The following NCAPG2 variants were observed in gnomAD, a reference collection of about 807,000 sequenced individuals.
NCAPG2 encodes the protein condensin-2 complex subunit G2.
In NCAPG2, 53 loss-of-function variants were observed where a neutral mutation model predicts 141.1. That is an observed-to-expected ratio of 0.38 (90% CI 0.30 to 0.47). The LOEUF (loss-of-function observed/expected upper bound fraction) is 0.47, where lower values mean the gene tolerates loss of function less well. Among genes scored for constraint, NCAPG2 ranks in the 20% least tolerant of loss-of-function variants. The probability of loss-of-function intolerance (pLI) is 0.99; values close to 1 mark genes in which losing one functional copy is unlikely to be tolerated. For synonymous variants in NCAPG2, 499 were observed against 490.7 expected (o/e 1.02, Z -0.22); for missense variants, 1,087 against 1,389.0 (o/e 0.78, Z 3.46).
At chr7:158,652,227 C>G (rs750544609) in intron 23 of NCAPG2, 66 bp downstream of exon 23, 16 of 1,468,032 alleles carry the variant, frequency 1.1e-5, no homozygotes, top group Non-Finnish European at 1.4e-5. Flanking sequence ...GCTGATGCAT[C>G]TGTGTAGGTG....
chr7:158,691,000 A>G (rs1835084484), intron 4 of NCAPG2, among the ~76,000 whole-genome samples: 2 of 152,196 alleles, frequency 1.3e-5, no homozygotes, highest in Admixed American at 6.5e-5. Flanking sequence ...CGTATCACCA[A>G]TTTTAGAAAG....
At chr7:158,663,774 G>A (rs1832713896) in intron 15 of NCAPG2, among the ~76,000 whole-genome samples, 1 of 152,230 alleles carries the variant, frequency 6.6e-6, no homozygotes, top group African/African-American at 2.4e-5. Flanking sequence ...GTTTGTCTAA[G>A]TCTTAAACGT....
chr7:158,642,807 G>T (rs1362883526), intron 27 of NCAPG2, among the ~76,000 whole-genome samples: 1 of 151,732 alleles, frequency 6.6e-6, no homozygotes, highest in African/African-American at 2.4e-5. Flanking sequence ...GAAATCAACA[G>T]AAAAAATAAA....
chr7:158,661,297 A>G (rs975729257), intron 16 of NCAPG2, among the ~76,000 whole-genome samples: 1 of 152,218 alleles, frequency 6.6e-6, no homozygotes, highest in Non-Finnish European at 1.5e-5. Context: ...ATCTTTCTAT[A>G]TTTAAACCAC....
intron 8 of NCAPG2, among the ~76,000 whole-genome samples, chr7:158,684,647 G>C (rs1834643812): frequency 6.6e-6 from 1 of 152,230 alleles, no homozygotes; most frequent in Non-Finnish European, 1.5e-5. Flanking sequence ...AGGGCAGAGA[G>C]GAATGGAGTG....
At chr7:158,650,148 G>A (rs1294974518) in intron 24 of NCAPG2, among the ~76,000 whole-genome samples, 1 of 152,158 alleles carries the variant, frequency 6.6e-6, no homozygotes. Flanking sequence ...CCGCCTCCCG[G>A]GTTCAAGACT....
chr7:158,659,148 G>A (rs1199694437), intron 16 of NCAPG2, among the ~76,000 whole-genome samples: 1 of 151,606 alleles, frequency 6.6e-6, no homozygotes, highest in Non-Finnish European at 1.5e-5. Flanking sequence ...TGATCAACAT[G>A]GTGAAACCCT....
At chr7:158,669,768 CAAAAAAA>C (rs567875836) in intron 13 of NCAPG2, among the ~76,000 whole-genome samples, 32 of 53,678 alleles carry the variant, frequency 6.0e-4, no homozygotes, top group Admixed American at 1.3e-3. Flanking sequence ...GACTCTGTCT[CAAAAAAA>C]AAAAAAAAAA....
intron 17 of NCAPG2, 97 bp downstream of exon 17, chr7:158,658,241 A>G (rs1442935127): frequency 8.7e-7 from 1 of 1,149,258 alleles, no homozygotes; most frequent in African/African-American, 1.6e-5. Context: ...GTGAGCTGAA[A>G]GCTAAATGTT....
rs61752310 is a variant in NCAPG2, at chr7:158,656,677, G to T, written c.2089C>A (p.Arg697=). The part of the protein sequence containing the change: ...SCGVISTLRS[R]EEGAVDKSYC... ...CTCTTGTCCACAGCGCCCTCCTCCC[G>T]GCTTCTCAGCGTGGAAATCACACCA... Residue 697 remains arginine, a synonymous_variant, in exon 18 of 28, where the codon CGG becomes AGG. Transcript: ENST00000356309. 1.9e-6 allele frequency: 3 copies of T among 1,614,010 alleles called. No individual in the cohort carries two copies. In the South Asian group the frequency reaches 3.3e-5, roughly 18 times the overall value.
At chr7:158,650,771 A>G in intron 24 of NCAPG2, 61 bp downstream of exon 24, 1 of 1,527,938 alleles carries the variant, frequency 6.5e-7, no homozygotes, top group Non-Finnish European at 8.8e-7. Context: ...TACTGCTAGT[A>G]GAAACACCAT....
chr7:158,671,451 TTC>T, intron 13 of NCAPG2, 61 bp downstream of exon 13: 1 of 1,582,426 alleles, frequency 6.3e-7, no homozygotes, highest in Non-Finnish European at 8.7e-7. Flanking sequence ...ACTACTTTCT[TTC>T]TGTTTGATGA....
At chr7:158,635,456 G>A (rs1429259374) in intron 27 of NCAPG2, among the ~76,000 whole-genome samples, 1 of 152,082 alleles carries the variant, frequency 6.6e-6, no homozygotes, top group African/African-American at 2.4e-5. Flanking sequence ...TAATTTGCTT[G>A]TAATATGATT....
intron 24 of NCAPG2, 26 bp downstream of exon 24, chr7:158,650,806 G>A: frequency 6.3e-7 from 1 of 1,593,826 alleles, no homozygotes; most frequent in East Asian, 2.3e-5. Context: ...AAGAGGCACA[G>A]CAGTTTCAGG....
chr7:158,670,654 T>G (rs1022219615), intron 13 of NCAPG2, among the ~76,000 whole-genome samples: 1 of 152,220 alleles, frequency 6.6e-6, no homozygotes, highest in African/African-American at 2.4e-5. Context: ...TATGTCTCCA[T>G]TTTATTCAGC....
At chr7:158,637,244 G>A (rs1223175622) in intron 27 of NCAPG2, among the ~76,000 whole-genome samples, 1 of 152,190 alleles carries the variant, frequency 6.6e-6, no homozygotes, top group Non-Finnish European at 1.5e-5. Context: ...ATATAAAGTT[G>A]CAAAGTCTAA....
chr7:158,631,817 T>G, intron 27 of NCAPG2, 100 bp from the exon 28 acceptor site: 1 of 924,898 alleles, frequency 1.1e-6, no homozygotes, highest in Non-Finnish European at 1.7e-6. Flanking sequence ...TTTGCAACCA[T>G]GCATTTAAAA....
chr7:158,669,069 G>C (rs1288268619), intron 13 of NCAPG2, among the ~76,000 whole-genome samples: 1 of 152,084 alleles, frequency 6.6e-6, no homozygotes, highest in Admixed American at 6.5e-5. Context: ...ATAGCTTCCA[G>C]CTCCATCCAT....
rs1462512408 is a variant in NCAPG2 at position 158,693,488 on chromosome 7, A to C, written c.88T>G (p.Ser30Ala). ...AATTCATTTAGGCTGAAAGGATCAG[A>C]GGCCTCTTTCTGTAACATAAATAGC... Reference protein sequence around the residue: ...LQFVQLDKEASDPFSLNELLD... With the variant: ...LQFVQLDKEAADPFSLNELLD... The change falls in exon 3 of 28, where the codon TCT becomes GCT. Residue 30 changes from serine to alanine, a missense_variant. Transcript: ENST00000356309. 1 of 1,610,762 alleles carries C rather than the reference A, an allele frequency of 6.2e-7. No homozygotes were observed. The highest frequency in any genetic ancestry group is 1.7e-5 in the Admixed American group (1 of 59,306).
Sources: gnomAD v4.1 joint callset for allele counts (sites outside exome capture counted in the v4.1 genomes callset) on GRCh38, gnomAD v4.1.1 for gene constraint, MANE v1.5 for transcripts, NCBI Gene and HGNC (gene_info 2026-07-23, HGNC 2026-07-21) for gene names.